The following ASB3 variants were observed in gnomAD, a reference collection of about 807,000 sequenced individuals.
ASB3 encodes the protein ankyrin repeat and SOCS box containing 3, also known as ankyrin repeat and SOCS box protein 3.
ASB3 carries 41 observed loss-of-function variants against 54.5 expected under a neutral mutation model. The ratio of observed to expected loss-of-function variants is 0.75; its 90% CI spans 0.59 to 0.98. The LOEUF is 0.98. Ranked by LOEUF, ASB3 falls within the 50% of genes least tolerant of loss-of-function variation. The pLI is 0.00. For synonymous variants in ASB3, 266 were observed against 221.2 expected, an observed-to-expected ratio of 1.20 and a Z score of -1.80; for missense variants, 733 against 620.0, an observed-to-expected ratio of 1.18 and a Z score of -1.94.
intron 1 of ASB3, chr2:53,774,152 G>A: frequency 1.2e-6 from 2 of 1,605,688 alleles, no homozygotes; most frequent in Non-Finnish European, 8.5e-7. Context: ...GGATGTGTAT[G>A]GGGTGTTGCT....
chr2:53,698,366 T>G (rs1324465766), intron 8 of ASB3, among the ~76,000 whole-genome samples: 1 of 151,970 alleles, frequency 6.6e-6, no homozygotes, highest in Non-Finnish European at 1.5e-5. Context: ...CAACGTTGGG[T>G]TCCTCTCCTG....
chr2:53,721,787 GA>G (rs1178035387), intron 5 of ASB3, among the ~76,000 whole-genome samples: 1 of 151,520 alleles, frequency 6.6e-6, no homozygotes, highest in African/African-American at 2.4e-5. Flanking sequence ...CGAGGAATAA[GA>G]AAAAACAGAA....
rs534685834 is a variant in ASB3, at chr2:53,738,345, G to A, written c.356-8775C>T. On this transcript the variant is annotated intron_variant, in intron 3 of 9. Coordinates refer to ENST00000263634, the MANE Select transcript of ASB3 (RefSeq NM_016115.5). ...ACAGGACTACTGTTCAGTTAAGGAT[G>A]TATGAAGAACTGCACTCATTCTGTT... Among the ~76,000 whole-genome samples, 13 of 152,322 alleles carry A rather than the reference G, an allele frequency of 8.5e-5. No individual in the cohort carries two copies. The South Asian group carries it at 2.1e-3, about 24-fold the overall frequency.
intron 3 of ASB3, among the ~76,000 whole-genome samples, chr2:53,732,814 G>A (rs1009640160): frequency 4.6e-5 from 7 of 152,144 alleles, no homozygotes; most frequent in East Asian, 1.9e-4. Flanking sequence ...TTGAGAAATC[G>A]TGGTTTAGAA....
intron 7 of ASB3, among the ~76,000 whole-genome samples, chr2:53,711,740 C>G (rs1444781882): frequency 6.6e-6 from 1 of 151,744 alleles, no homozygotes; most frequent in East Asian, 1.9e-4. Flanking sequence ...CGCCACTGTA[C>G]TCCAGTCTGG....
At position 53,670,554 on chromosome 2, in the gene ASB3, G is replaced by T. The variant is rs761343279; in HGVS notation, c.1506C>A (p.Asp502Glu). 1 of 1,613,868 alleles carries T rather than the reference G, an allele frequency of 6.2e-7. No homozygotes were observed. The highest frequency in any genetic ancestry group is 1.1e-5 in the South Asian group (1 of 91,066). Residue 502 changes from aspartate to glutamate, a missense_variant, in exon 10 of 10, where the codon GAC becomes GAA. Asp to Glu is a conservative substitution (Grantham distance 45). Transcript: ENST00000263634. ...CTGGAACTTCATACATCCTCAGAACGTCTTCATAGAGCAAATAATTATGTA... is the reference window on the plus strand; with the variant it reads ...CTGGAACTTCATACATCCTCAGAACTTCTTCATAGAGCAAATAATTATGTA... ...RSLHNYLLYE[D>E]VLRMYEVPEL...
At chr2:53,786,465 A>G (rs537434769) in intron 1 of ASB3, 4 of 152,314 alleles carry the variant, frequency 2.6e-5, no homozygotes, top group Admixed American at 2.6e-4. Flanking sequence ...CCCCTAACAC[A>G]GAGTTGCAGT....
intron 1 of ASB3, among the ~76,000 whole-genome samples, chr2:53,773,014 GA>G (rs1171093523): frequency 6.6e-5 from 10 of 152,058 alleles, no homozygotes; most frequent in Non-Finnish European, 1.5e-5. Flanking sequence ...TTTATATTGT[GA>G]AATTAAATGT....
chr2:53,776,309 T>C (rs1378718652), intron 1 of ASB3, among the ~76,000 whole-genome samples: 1 of 152,224 alleles, frequency 6.6e-6, no homozygotes, highest in Non-Finnish European at 1.5e-5. Flanking sequence ...GGGTGATAAA[T>C]TTATTAAATT....
chr2:53,705,311 G>C (rs563839826), intron 7 of ASB3, among the ~76,000 whole-genome samples: 1 of 151,948 alleles, frequency 6.6e-6, no homozygotes, highest in South Asian at 2.1e-4. Context: ...ATGCCCTTTC[G>C]ATAGCACAAA....
chr2:53,767,786 C>CGCCCCGCGCGGCCGGTAAG (rs1284309244), intron 1 of ASB3: 18 of 1,460,328 alleles, frequency 1.2e-5, no homozygotes, highest in Non-Finnish European at 1.1e-5. Flanking sequence ...ATCGCGCCTG[C>CGCCCCGCGCGGCCGGTAAG]GCCCCGCGCG....
At chr2:53,713,683 C>G (rs190500406) in intron 7 of ASB3, among the ~76,000 whole-genome samples, 17 of 152,240 alleles carry the variant, frequency 1.1e-4, no homozygotes, top group African/African-American at 3.6e-4. Flanking sequence ...GAGGCCGAGG[C>G]AAGGGAACTG....
chr2:53,762,044 T>C (rs1008620202), intron 2 of ASB3, among the ~76,000 whole-genome samples: 4 of 152,222 alleles, frequency 2.6e-5, no homozygotes, highest in African/African-American at 9.6e-5. Context: ...TTTAAAATGA[T>C]CCCTCTAATA....
At chr2:53,716,846 G>T in intron 5 of ASB3, 103 bp from the exon 6 acceptor site, 1 of 1,267,054 alleles carries the variant, frequency 7.9e-7, no homozygotes, top group Non-Finnish European at 1.1e-6. Context: ...AGCACGGTAA[G>T]CTTTTCCCTC....
chr2:53,772,985 T>C (rs1054374552), intron 1 of ASB3, among the ~76,000 whole-genome samples: 1 of 152,170 alleles, frequency 6.6e-6, no homozygotes, highest in African/African-American at 2.4e-5. Context: ...GTCATTTTAT[T>C]GGGGTACAGA....
At chr2:53,740,365 T>C (rs553542775) in intron 3 of ASB3, among the ~76,000 whole-genome samples, 1 of 152,346 alleles carries the variant, frequency 6.6e-6, no homozygotes, top group East Asian at 1.9e-4. Flanking sequence ...GTGTTCATAC[T>C]GACATCTGGT....
At chr2:53,752,988 T>C (rs1242652559) in intron 2 of ASB3, among the ~76,000 whole-genome samples, 1 of 152,010 alleles carries the variant, frequency 6.6e-6, no homozygotes, top group Non-Finnish European at 1.5e-5. Context: ...AGTTTAATCC[T>C]GACCATTTAA....
chr2:53,725,022 T>G (rs762951778), intron 5 of ASB3, among the ~76,000 whole-genome samples: 7 of 152,120 alleles, frequency 4.6e-5, no homozygotes, highest in Non-Finnish European at 8.8e-5. Flanking sequence ...AGACATGGAA[T>G]CAACCTAGGT....
chr2:53,723,191 G>C (rs1670802851), intron 5 of ASB3, among the ~76,000 whole-genome samples: 1 of 152,038 alleles, frequency 6.6e-6, no homozygotes, highest in Non-Finnish European at 1.5e-5. Flanking sequence ...AAAAATCATA[G>C]ATGACACAAA....
Sources: gnomAD v4.1 joint callset for allele counts (sites outside exome capture counted in the v4.1 genomes callset) on GRCh38, gnomAD v4.1.1 for gene constraint, MANE v1.5 for transcripts, NCBI Gene and HGNC (gene_info 2026-07-23, HGNC 2026-07-21) for gene names.